Variants in PTK7 observed in about 807,000 individuals in gnomAD.
PTK7 encodes the protein protein tyrosine kinase 7 (inactive).
PTK7 carries 39 observed loss-of-function variants against 116.6 expected under a neutral mutation model. That is an observed-to-expected ratio of 0.33 (90% confidence interval 0.26 to 0.44). PTK7 has a LOEUF of 0.44. Among genes scored for constraint, PTK7 ranks in the 20% least tolerant of loss-of-function variants. The pLI, the probability that PTK7 is intolerant of heterozygous loss-of-function variation, is 1.00. For synonymous variants in PTK7, 546 were observed against 563.6 expected (o/e 0.97, Z 0.44); for missense variants, 1,169 against 1,425.6 (o/e 0.82, Z 2.90).
chr6:43,076,747 C>A lies in PTK7; in HGVS notation c.79+180C>A. 1 of 1,380,504 alleles carries A rather than the reference C, an allele frequency of 7.2e-7. No individual in the cohort carries two copies. Among genetic ancestry groups the A allele is most frequent in the Non-Finnish European group, 9.4e-7 (1 of 1,062,258 alleles). 85.5% of individuals were successfully genotyped at this position (1,380,504 alleles called of 1,614,324 possible). A position where few individuals can be genotyped will look rare whatever the true frequency, so the allele number is the denominator to read the frequency against. ...AGGAGCCCGGGTGTCGGGAGGCTGG[C>A]GAAGCCTCCAGGGACGCGGTCAGGG... On this transcript the variant is annotated intron_variant, in intron 1 of 19. Coordinates refer to ENST00000230419, the MANE Select transcript of PTK7 (RefSeq NM_002821.5). The surrounding 1 kb of genome is among the most constrained non-coding windows in gnomAD (Gnocchi z 5.7).
chr6:43,134,782 GAAAAA>G (rs756747841), intron 7 of PTK7, among the ~76,000 whole-genome samples: 2 of 128,604 alleles, frequency 1.6e-5, no homozygotes, highest in African/African-American at 2.9e-5. Flanking sequence ...TTTGTCTCAG[GAAAAA>G]AAAAAAAAAA....
At position 43,139,086 on chromosome 6, in the gene PTK7, G is replaced by A. The variant is rs45484692; in HGVS notation, c.1363-50G>A. The A allele has an allele frequency of 0.042, 67,912 of 1,611,682 alleles. 1,670 individuals carry two copies. Among genetic ancestry groups the A allele is most frequent in the Non-Finnish European group, 0.05 (58,425 of 1,178,330 alleles). Reference sequence around the variant, plus strand: ...CTCTTACCCTGGAGGCAGCCTCCAGGGAGAGGTGGGTGTGGGTTCAGGCTC... The same window carrying A: ...CTCTTACCCTGGAGGCAGCCTCCAGAGAGAGGTGGGTGTGGGTTCAGGCTC... On this transcript the variant is annotated intron_variant, in intron 8 of 19. Coordinates refer to ENST00000230419, the MANE Select transcript of PTK7 (RefSeq NM_002821.5). This position sits in a 1 kb window ranked among gnomAD's most constrained non-coding sequence, Gnocchi z 4.6.
At position 43,139,291 on chromosome 6, in the gene PTK7, G is replaced by A; in HGVS notation, c.1498+20G>A. 1 of 1,614,228 alleles carries A rather than the reference G, an allele frequency of 6.2e-7. No homozygotes were observed. The highest frequency in any genetic ancestry group is 8.5e-7 in the Non-Finnish European group (1 of 1,180,040). ...TGCTGGGTGAGCCAGCATGTCTTGGGGGAGCACCCTTCCTGGCTAGGCAGG... is the reference window on the plus strand; with the variant it reads ...TGCTGGGTGAGCCAGCATGTCTTGGAGGAGCACCCTTCCTGGCTAGGCAGG... On this transcript the variant is annotated intron_variant, in intron 9 of 19. Transcript: ENST00000230419. This position sits in a 1 kb window ranked among gnomAD's most constrained non-coding sequence, Gnocchi z 4.6.
At chr6:43,119,499 T>C (rs930063617) in intron 1 of PTK7, among the ~76,000 whole-genome samples, 4 of 152,090 alleles carry the variant, frequency 2.6e-5, no homozygotes, top group African/African-American at 9.7e-5. Flanking sequence ...ATCCTGCACA[T>C]TGGAACCCCT....
At chr6:43,128,088 G>A (rs1769408253) in intron 1 of PTK7, among the ~76,000 whole-genome samples, 1 of 152,212 alleles carries the variant, frequency 6.6e-6, no homozygotes, top group Non-Finnish European at 1.5e-5. Flanking sequence ...GAGATTCAAA[G>A]CGTCCCATCT....
chr6:43,131,029 TCACACA>T (rs3222659), intron 5 of PTK7, among the ~76,000 whole-genome samples: 4,254 of 133,768 alleles, frequency 0.032, 116 homozygotes, highest in African/African-American at 0.074. Flanking sequence ...GGCAAAGACA[TCACACA>T]CACACACACA....
intron 1 of PTK7, among the ~76,000 whole-genome samples, chr6:43,082,582 C>T (rs1484130783): frequency 1.3e-5 from 2 of 152,186 alleles, no homozygotes; most frequent in Non-Finnish European, 2.9e-5. Flanking sequence ...ACAGAGCTTT[C>T]CTGTTGCAAC....
In PTK7 at chr6:43,139,781, C is replaced by T. The variant is rs1770278458; in HGVS notation, c.1618+256C>T. On this transcript the variant is annotated intron_variant, in intron 10 of 19. Coordinates refer to ENST00000230419, the MANE Select transcript of PTK7 (RefSeq NM_002821.5). The surrounding 1 kb of genome is among the most constrained non-coding windows in gnomAD (Gnocchi z 4.6). ...TTCAGACAGTGCTGTAAAGTCCTCT[C>T]TTCCCCTTTTCCAAAATAGTTTATC... is the stretch of plus-strand genomic sequence containing the variant. Among the ~76,000 whole-genome samples the T allele has an allele frequency of 6.6e-6, 1 of 152,244 alleles. No homozygotes were observed. The highest frequency in any genetic ancestry group is 1.5e-5 in the Non-Finnish European group (1 of 68,038).
chr6:43,125,227 T>C (rs896040893), intron 1 of PTK7, among the ~76,000 whole-genome samples: 1 of 152,190 alleles, frequency 6.6e-6, no homozygotes, highest in Non-Finnish European at 1.5e-5. Context: ...AGCCAAGCAC[T>C]AACCAGGACC....
chr6:43,132,611 T>C lies in PTK7; in HGVS notation c.1152T>C (p.Ser384=), dbSNP rs1428281299. The change falls in exon 7 of 20, where the codon AGT becomes AGC. Residue 384 remains serine, a synonymous_variant. Coordinates refer to ENST00000230419, the MANE Select transcript of PTK7 (RefSeq NM_002821.5). ...TGGTGTTGGCCAATATTGCTGAAAGTGATGCTGGTGTCTACACCTGCCACG... is the reference window on the plus strand; with the variant it reads ...TGGTGTTGGCCAATATTGCTGAAAGCGATGCTGGTGTCTACACCTGCCACG... ...HELVLANIAE[S]DAGVYTCHAA... The C allele has an allele frequency of 6.2e-7, 1 of 1,608,698 alleles. No homozygotes were observed. The highest frequency in any genetic ancestry group is 1.1e-5 in the South Asian group (1 of 90,544).
At chr6:43,080,391 A>G (rs1414807641) in intron 1 of PTK7, among the ~76,000 whole-genome samples, 1 of 152,162 alleles carries the variant, frequency 6.6e-6, no homozygotes, top group Non-Finnish European at 1.5e-5. Context: ...TGTAATACCT[A>G]TTACAATGGA....
rs1344190133 is a variant in PTK7 at position 43,142,027 on chromosome 6, T to A, written c.1865T>A (p.Leu622Gln). The A allele has an allele frequency of 4.3e-6, 7 of 1,613,720 alleles. No individual in the cohort carries two copies. The highest frequency in any genetic ancestry group is 5.9e-6 in the Non-Finnish European group (7 of 1,179,978). Residue 622 changes from leucine to glutamine, a missense_variant, in exon 12 of 20, where the codon CTG (leucine) becomes CAG (glutamine). Coordinates refer to ENST00000230419, the MANE Select transcript of PTK7 (RefSeq NM_002821.5). The stretch of plus-strand genomic sequence containing the variant: ...GAGGCCCAGGGGGACCCCAAGCCGC[T>A]GATTCAGTGGAAAGGCAAGGACCGC... Reference protein sequence around the residue: ...QCEAQGDPKPLIQWKGKDRIL... With the variant: ...QCEAQGDPKPQIQWKGKDRIL...
chr6:43,077,075 C>T, intron 1 of PTK7: 1 of 1,265,138 alleles, frequency 7.9e-7, no homozygotes, highest in African/African-American at 1.5e-5. Context: ...CCCGACGTTC[C>T]CGGCTTCCCT....
chr6:43,082,215 GC>G (rs1444334095), intron 1 of PTK7, among the ~76,000 whole-genome samples: 1 of 151,972 alleles, frequency 6.6e-6, no homozygotes, highest in Non-Finnish European at 1.5e-5. Flanking sequence ...TCACTCTGTC[GC>G]CCAGGCTGAA....
rs1770208931 is a variant in PTK7, at chr6:43,138,874, C to T, written c.1254C>T (p.Pro418=). The change falls in exon 8 of 20, where the codon CCC becomes CCT. Residue 418 remains proline (P), a synonymous_variant. Transcript: ENST00000230419. ...CTGTGCCCTCCTGGCTGAAGAAGCC[C>T]CAAGACAGCCAGCTGGAGGAGGGCA... ...VATVPSWLKK[P]QDSQLEEGKP... The T allele has an allele frequency of 1.2e-6, 2 of 1,614,012 alleles. No homozygotes were observed.
chr6:43,160,461 G>T (rs1487666390), intron 19 of PTK7, among the ~76,000 whole-genome samples: 2 of 152,086 alleles, frequency 1.3e-5, no homozygotes, highest in African/African-American at 4.8e-5. Context: ...AATAGCCTTT[G>T]CCCCCAGTGC....
Position 43,109,997 on chromosome 6 carries a change from CT to C in PTK7, c.80-18963del, listed in dbSNP as rs35351540. Reference sequence around the variant, plus strand: ...ACAGGCGTGAGCCACCATGCCCGGCCTTTTTTTTTTTTTTTTTGAGACAGAG... The same window carrying C: ...ACAGGCGTGAGCCACCATGCCCGGCCTTTTTTTTTTTTTTTTGAGACAGAG... On this transcript the variant is annotated intron_variant, in intron 1 of 19. Coordinates refer to ENST00000230419, the MANE Select transcript of PTK7 (RefSeq NM_002821.5). Among the ~76,000 whole-genome samples the C allele has an allele frequency of 2.4e-3, 260 of 109,602 alleles. 1 individual carries two copies. Among genetic ancestry groups the C allele is most frequent in the African/African-American group, 5.2e-3 (145 of 27,858 alleles). The allele number at this position is 109,602 out of a possible 152,430, so 71.9% of individuals were successfully genotyped here.
At position 43,130,366 on chromosome 6, in the gene PTK7, C is replaced by T; in HGVS notation, c.607C>T (p.His203Tyr). ...EHSGLYSCCA[H>Y]SAFGQACSSQ... is the part of the protein sequence containing the mutation. ...TAGTGGGCTGTATTCCTGCTGCGCC[C>T]ACAGTGCTTTTGGCCAGGCTTGCAG... Residue 203 changes from histidine to tyrosine, a missense_variant, in exon 4 of 20, where the codon CAC (histidine) becomes TAC (tyrosine). By Grantham distance (83) the His-to-Tyr change is moderately conservative. Coordinates refer to ENST00000230419, the MANE Select transcript of PTK7 (RefSeq NM_002821.5). The T allele has an allele frequency of 6.2e-7, 1 of 1,611,518 alleles. No homozygotes were observed. The highest frequency in any genetic ancestry group is 8.5e-7 in the Non-Finnish European group (1 of 1,178,442).
chr6:43,080,952 A>ACAC (rs1554145658), intron 1 of PTK7, among the ~76,000 whole-genome samples: 3 of 119,874 alleles, frequency 2.5e-5, no homozygotes, highest in African/African-American at 1.1e-4. Flanking sequence ...AAAAAAAAAA[A>ACAC]ATACACACAC....
Sources: gnomAD v4.1 joint callset for allele counts (sites outside exome capture counted in the v4.1 genomes callset) on GRCh38, gnomAD v4.1.1 for gene constraint, Gnocchi (gnomAD v3.1) non-coding constraint, MANE v1.5 for transcripts, NCBI Gene and HGNC (gene_info 2026-07-23, HGNC 2026-07-21) for gene names.